The following GRIK2 variants were observed in gnomAD, a reference collection of about 807,000 sequenced individuals.
GRIK2 encodes glutamate receptor ionotropic, kainate 2.
Under a neutral mutation model 100.3 loss-of-function variants are expected in GRIK2, and 32 were observed. The ratio of observed to expected loss-of-function variants is 0.32; its 90% CI spans 0.24 to 0.43. The LOEUF is 0.43. Ranked by LOEUF, GRIK2 falls within the 20% of genes least tolerant of loss-of-function variation. The pLI, the probability that GRIK2 is intolerant of heterozygous loss-of-function variation, is 1.00. For missense variants in GRIK2, 843 were observed against 1,114.9 expected (o/e 0.76, Z 3.47); for synonymous variants, 417 against 389.4 (o/e 1.07, Z -0.83).
chr6:101,790,315 C>T (rs573942557), intron 7 of GRIK2, among the ~76,000 whole-genome samples: 317 of 152,110 alleles, frequency 2.1e-3, no homozygotes, highest in Middle Eastern at 6.8e-3. Flanking sequence ...CCAGTTTTTG[C>T]CCATTCAGTA....
In GRIK2 at chr6:101,594,578, C is replaced by T. The variant is rs76758293; in HGVS notation, c.116-27371C>T. Among the ~76,000 whole-genome samples the T allele has an allele frequency of 6.7e-3, 1,015 of 151,684 alleles. 8 individuals carry two copies. The highest frequency in any genetic ancestry group is 0.02 in the Middle Eastern group (6 of 294). On this transcript the variant is annotated intron_variant, in intron 2 of 16. Coordinates refer to ENST00000369134, the MANE Select transcript of GRIK2 (RefSeq NM_021956.5). ...CTAGTGGAATTTTTAGTCTCAGAAA[C>T]AAAATGAGTATAGAGTTTCAATAAA...
chr6:101,637,044 A>G (rs1781054204), intron 4 of GRIK2, among the ~76,000 whole-genome samples: 1 of 151,932 alleles, frequency 6.6e-6, no homozygotes, highest in Non-Finnish European at 1.5e-5. Flanking sequence ...CTGTCATTCT[A>G]TCTGTGTTAC....
intron 2 of GRIK2, among the ~76,000 whole-genome samples, chr6:101,438,787 T>TG (rs1769881222): frequency 6.6e-6 from 1 of 152,112 alleles, no homozygotes; most frequent in Admixed American, 6.6e-5. Flanking sequence ...AGTCACAGAC[T>TG]GGGGGATTTA....
intron 2 of GRIK2, chr6:101,431,070 G>T: frequency 3.9e-6 from 1 of 255,846 alleles, no homozygotes. Context: ...TACATGGCAG[G>T]GGGTATCCAA....
At chr6:101,814,019 G>A (rs1311701324) in intron 9 of GRIK2, among the ~76,000 whole-genome samples, 1 of 151,866 alleles carries the variant, frequency 6.6e-6, no homozygotes, top group Admixed American at 6.6e-5. Flanking sequence ...GCAGCAGAAT[G>A]GGACAAAGCA....
chr6:101,499,070 C>T (rs1773610855), intron 2 of GRIK2, among the ~76,000 whole-genome samples: 1 of 151,996 alleles, frequency 6.6e-6, no homozygotes, highest in Admixed American at 6.6e-5. Context: ...ACTGGCTAGC[C>T]ATATGTAGAA....
chr6:101,615,221 C>T (rs1342151563), intron 2 of GRIK2, among the ~76,000 whole-genome samples: 2 of 151,584 alleles, frequency 1.3e-5, no homozygotes, highest in Non-Finnish European at 3.0e-5. Context: ...AAAAGAATTG[C>T]GGGCATTTTA....
chr6:101,531,631 T>TTACA (rs1388667577), intron 2 of GRIK2, among the ~76,000 whole-genome samples: 1 of 151,838 alleles, frequency 6.6e-6, no homozygotes, highest in Non-Finnish European at 1.5e-5. Context: ...CTTTTTTGTA[T>TTACA]TACAGATAAG....
At chr6:101,791,827 A>G (rs942075813) in intron 7 of GRIK2, among the ~76,000 whole-genome samples, 11 of 151,452 alleles carry the variant, frequency 7.3e-5, no homozygotes, top group Admixed American at 1.3e-4. Flanking sequence ...TCCCATTATT[A>G]TTGTGTGGGA....
chr6:101,671,403 G>C (rs1770423415), intron 4 of GRIK2, among the ~76,000 whole-genome samples: 1 of 150,214 alleles, frequency 6.7e-6, no homozygotes, highest in Non-Finnish European at 1.5e-5. Context: ...AAAAAAAAAA[G>C]TGAGAAGGGT....
intron 2 of GRIK2, among the ~76,000 whole-genome samples, chr6:101,406,207 C>A (rs1042876869): frequency 1.3e-5 from 2 of 152,034 alleles, no homozygotes; most frequent in African/African-American, 4.8e-5. Context: ...ACTCTAAAAA[C>A]TTTTCTGCAG....
intron 7 of GRIK2, among the ~76,000 whole-genome samples, chr6:101,726,090 C>T (rs190279015): frequency 6.6e-6 from 1 of 151,936 alleles, no homozygotes; most frequent in African/African-American, 2.4e-5. Flanking sequence ...TTAAAAACTG[C>T]ACTTATATAT....
At chr6:101,908,227 T>A (rs895062032) in intron 12 of GRIK2, among the ~76,000 whole-genome samples, 3 of 81,504 alleles carry the variant, frequency 3.7e-5, no homozygotes, top group Non-Finnish European at 7.8e-5. Flanking sequence ...TAAGAAATTG[T>A]TGAGTCATTT....
At chr6:101,581,651 T>TA (rs1243015958) in intron 2 of GRIK2, among the ~76,000 whole-genome samples, 2 of 152,118 alleles carry the variant, frequency 1.3e-5, no homozygotes, top group African/African-American at 2.4e-5. Context: ...CTGCTTAAGA[T>TA]AGAGATGAAA....
chr6:102,051,471 C>T (rs1489026138), intron 15 of GRIK2, among the ~76,000 whole-genome samples: 1 of 151,908 alleles, frequency 6.6e-6, no homozygotes, highest in Non-Finnish European at 1.5e-5. Context: ...ATAGAAAGTA[C>T]CAAAGATTAG....
chr6:101,779,315 T>G (rs1778935761), intron 7 of GRIK2, among the ~76,000 whole-genome samples: 1 of 152,166 alleles, frequency 6.6e-6, no homozygotes. Context: ...ACACATTCCA[T>G]TCTTAAAAGT....
At chr6:101,557,549 A>C (rs1275509856) in intron 2 of GRIK2, among the ~76,000 whole-genome samples, 1 of 152,092 alleles carries the variant, frequency 6.6e-6, no homozygotes, top group Non-Finnish European at 1.5e-5. Context: ...GTTTTCTTTT[A>C]TTTCTAGATA....
chr6:101,792,035 C>G (rs1377644432), intron 7 of GRIK2, among the ~76,000 whole-genome samples: 1 of 151,918 alleles, frequency 6.6e-6, no homozygotes, highest in Non-Finnish European at 1.5e-5. Context: ...GCAACCCCTG[C>G]CTTTTTTTGT....
At chr6:101,708,981 C>T (rs1421814125) in intron 7 of GRIK2, among the ~76,000 whole-genome samples, 1 of 151,732 alleles carries the variant, frequency 6.6e-6, no homozygotes, top group Non-Finnish European at 1.5e-5. Flanking sequence ...TATATTATTA[C>T]ATTACTTTGT....
Sources: gnomAD v4.1 joint callset for allele counts (sites outside exome capture counted in the v4.1 genomes callset) on GRCh38, gnomAD v4.1.1 for gene constraint, MANE v1.5 for transcripts, NCBI Gene and HGNC (gene_info 2026-07-23, HGNC 2026-07-21) for gene names.